Variants in DPP10 observed in about 807,000 individuals in gnomAD.
DPP10 encodes the protein inactive dipeptidyl peptidase 10.
DPP10 carries 33 observed loss-of-function variants against 120.9 expected under a neutral mutation model. The ratio of observed to expected loss-of-function variants is 0.27; its 90% CI spans 0.21 to 0.37. DPP10 has a LOEUF of 0.37. Ranked by LOEUF, DPP10 falls within the 10% of genes least tolerant of loss-of-function variation. The pLI, the probability that DPP10 is intolerant of heterozygous loss-of-function variation, is 1.00. For synonymous variants in DPP10, 337 were observed against 326.1 expected (o/e 1.03, Z -0.36); for missense variants, 816 against 942.8 (o/e 0.87, Z 1.76).
chr2:115,180,162 T>G (rs2053978882), intron 1 of DPP10, among the ~76,000 whole-genome samples: 1 of 152,176 alleles, frequency 6.6e-6, no homozygotes, highest in South Asian at 2.1e-4. Flanking sequence ...AGATTAGGCT[T>G]TAATCTTTGA....
intron 1 of DPP10, among the ~76,000 whole-genome samples, chr2:114,497,273 A>ATGTATACGTGTATGCATGTACG (rs1558813880): frequency 0.011 from 1,100 of 98,844 alleles, 32 homozygotes; most frequent in African/African-American, 0.04. Flanking sequence ...ATACATGTAC[A>ATGTATACGTGTATGCATGTACG]TGTATACGTG....
chr2:115,535,831 C>T (rs927742727), intron 5 of DPP10, among the ~76,000 whole-genome samples: 2 of 152,016 alleles, frequency 1.3e-5, no homozygotes, highest in African/African-American at 4.8e-5. Flanking sequence ...TCCTTCACCT[C>T]CCTTGTAAGT....
At chr2:115,369,010 T>A (rs2065241677) in intron 3 of DPP10, among the ~76,000 whole-genome samples, 1 of 151,990 alleles carries the variant, frequency 6.6e-6, no homozygotes, top group Admixed American at 6.6e-5. Flanking sequence ...TAATTTACTT[T>A]AAGTAAAGGA....
intron 1 of DPP10, among the ~76,000 whole-genome samples, chr2:114,628,853 A>G (rs1694707362): frequency 6.6e-6 from 1 of 152,154 alleles, no homozygotes; most frequent in South Asian, 2.1e-4. Flanking sequence ...CCATGTTTTG[A>G]AATACACTGC....
intron 3 of DPP10, among the ~76,000 whole-genome samples, chr2:115,406,194 A>G (rs2068497833): frequency 6.6e-6 from 1 of 152,214 alleles, no homozygotes; most frequent in African/African-American, 2.4e-5. Context: ...CAGGGACACA[A>G]TATGATCAAG....
At chr2:114,531,916 T>C (rs184809137) in intron 1 of DPP10, among the ~76,000 whole-genome samples, 2 of 152,078 alleles carry the variant, frequency 1.3e-5, no homozygotes, top group East Asian at 3.9e-4. Flanking sequence ...GAGACTAGCA[T>C]ATGAATGGGT....
chr2:114,692,803 C>G (rs547628098), intron 1 of DPP10, among the ~76,000 whole-genome samples: 11 of 152,146 alleles, frequency 7.2e-5, no homozygotes, highest in Middle Eastern at 3.4e-3. Context: ...GTTAGCTGTT[C>G]TTGCTTAATT....
In DPP10 at chr2:114,840,315, A is replaced by G. The variant is rs796456331; in HGVS notation, c.60+397477A>G. Reference sequence around the variant, plus strand: ...GTAAGGTCAGCAGAGTGGGAAGATAAGGCAACCCAAAACTCATCAAAGAGC... The same window carrying G: ...GTAAGGTCAGCAGAGTGGGAAGATAGGGCAACCCAAAACTCATCAAAGAGC... On this transcript the variant is annotated intron_variant, in intron 1 of 25. Transcript: ENST00000410059. 2.6e-4 allele frequency among the ~76,000 whole-genome samples: 40 copies of G among 152,234 alleles called. 1 individual carries two copies. Among genetic ancestry groups the G allele is most frequent in the African/African-American group, 8.9e-4 (37 of 41,558 alleles).
chr2:114,770,793 T>C (rs765662982), intron 1 of DPP10, among the ~76,000 whole-genome samples: 5 of 152,218 alleles, frequency 3.3e-5, no homozygotes, highest in Non-Finnish European at 4.4e-5. Context: ...TTGCTATTGT[T>C]CTTTCATCTG....
chr2:115,828,859 G>A (rs947870330), intron 21 of DPP10, among the ~76,000 whole-genome samples: 3 of 151,510 alleles, frequency 2.0e-5, no homozygotes, highest in Non-Finnish European at 4.4e-5. Flanking sequence ...GTCTCTTTTT[G>A]GATTGTCCAT....
At chr2:114,974,706 C>T (rs892059748) in intron 1 of DPP10, among the ~76,000 whole-genome samples, 2 of 151,546 alleles carry the variant, frequency 1.3e-5, no homozygotes, top group Non-Finnish European at 2.9e-5. Flanking sequence ...TGCACCCAGC[C>T]GGGATATAAG....
chr2:114,663,660 T>TAGAGAGAGAGAG (rs1485631969), intron 1 of DPP10, among the ~76,000 whole-genome samples: 22 of 91,488 alleles, frequency 2.4e-4, no homozygotes, highest in African/African-American at 9.5e-4. Flanking sequence ...TATATATATA[T>TAGAGAGAGAGAG]ATATATATAG....
chr2:114,841,661 A>G (rs1045055994), intron 1 of DPP10, among the ~76,000 whole-genome samples: 1 of 152,132 alleles, frequency 6.6e-6, no homozygotes, highest in Non-Finnish European at 1.5e-5. Flanking sequence ...AACTTGAAAT[A>G]CTAGGCAAGT....
At chr2:115,497,210 G>A (rs1008804377) in intron 3 of DPP10, among the ~76,000 whole-genome samples, 1 of 152,038 alleles carries the variant, frequency 6.6e-6, no homozygotes, top group Non-Finnish European at 1.5e-5. Flanking sequence ...TTTCAGTTTT[G>A]TGTCCTTTCA....
intron 5 of DPP10, among the ~76,000 whole-genome samples, chr2:115,650,335 T>A (rs1397157203): frequency 2.0e-5 from 3 of 151,144 alleles, no homozygotes; most frequent in African/African-American, 7.3e-5. Flanking sequence ...TAACTTTTTT[T>A]TGACATGACA....
chr2:114,991,157 G>T (rs1399170598), intron 1 of DPP10, among the ~76,000 whole-genome samples: 1 of 152,000 alleles, frequency 6.6e-6, no homozygotes, highest in Non-Finnish European at 1.5e-5. Context: ...GTACATGTAG[G>T]CTTGGTTATG....
At chr2:115,363,134 T>A (rs1307587765) in intron 3 of DPP10, among the ~76,000 whole-genome samples, 1 of 152,128 alleles carries the variant, frequency 6.6e-6, no homozygotes, top group African/African-American at 2.4e-5. Flanking sequence ...AGTGAAAAAA[T>A]CACACACTAC....
At chr2:115,070,923 G>C (rs1707314568) in intron 1 of DPP10, among the ~76,000 whole-genome samples, 1 of 152,090 alleles carries the variant, frequency 6.6e-6, no homozygotes, top group Admixed American at 6.5e-5. Flanking sequence ...CTTTAGGCGT[G>C]AAATTTCCCA....
chr2:114,527,668 A>G (rs190787919), intron 1 of DPP10, among the ~76,000 whole-genome samples: 7 of 152,286 alleles, frequency 4.6e-5, no homozygotes, highest in Non-Finnish European at 1.0e-4. Context: ...GTTTAATGAC[A>G]GAGATATGTT....
Sources: gnomAD v4.1 joint callset for allele counts (sites outside exome capture counted in the v4.1 genomes callset) on GRCh38, gnomAD v4.1.1 for gene constraint, MANE v1.5 for transcripts, NCBI Gene and HGNC (gene_info 2026-07-23, HGNC 2026-07-21) for gene names.